Variants in MAST4 observed in about 807,000 individuals in gnomAD.
MAST4 encodes microtubule-associated serine/threonine-protein kinase 4.
In MAST4, 89 loss-of-function variants were observed where a neutral mutation model predicts 162.7. The observed-to-expected ratio is 0.55, with a 90% CI of 0.46 to 0.65. The LOEUF (loss-of-function observed/expected upper bound fraction) is 0.65. MAST4 is among the 30% of genes least tolerant of loss of function. The pLI is 0.00. For synonymous variants in MAST4, 1,479 were observed against 1,361.1 expected, an observed-to-expected ratio of 1.09 and a Z score of -1.91; for missense variants, 3,153 against 3,374.0, an observed-to-expected ratio of 0.93 and a Z score of 1.62.
intron 1 of MAST4, among the ~76,000 whole-genome samples, chr5:66,723,290 T>A (rs1238797102): frequency 6.6e-6 from 1 of 152,172 alleles, no homozygotes; most frequent in Non-Finnish European, 1.5e-5. Context: ...CTATTAGTAA[T>A]TGAAATGATT....
At chr5:66,872,791 G>A (rs1238969849) in intron 3 of MAST4, among the ~76,000 whole-genome samples, 1 of 152,164 alleles carries the variant, frequency 6.6e-6, no homozygotes, top group Non-Finnish European at 1.5e-5. Flanking sequence ...CACTAATGAG[G>A]CACTAAAATA....
chr5:66,907,033 T>C (rs1426917903), intron 4 of MAST4, among the ~76,000 whole-genome samples: 1 of 152,156 alleles, frequency 6.6e-6, no homozygotes, highest in Non-Finnish European at 1.5e-5. Context: ...TGGAGAACTT[T>C]TTCCTTAGTT....
At chr5:66,853,638 A>C (rs1273936439) in intron 3 of MAST4, among the ~76,000 whole-genome samples, 1 of 152,220 alleles carries the variant, frequency 6.6e-6, no homozygotes, top group Non-Finnish European at 1.5e-5. Context: ...GTAGACTTCA[A>C]AATAGTTGAT....
At chr5:66,884,494 T>C (rs71626453) in intron 3 of MAST4, among the ~76,000 whole-genome samples, 1,615 of 152,258 alleles carry the variant, frequency 0.011, 23 homozygotes, top group Middle Eastern at 0.037. Context: ...CTGGAAAACA[T>C]CTTCTCCACT....
At chr5:67,050,160 G>A (rs770622821) in intron 4 of MAST4, among the ~76,000 whole-genome samples, 38 of 152,212 alleles carry the variant, frequency 2.5e-4, no homozygotes, top group Admixed American at 4.6e-4. Context: ...TGCATGGCCT[G>A]TCTCTTCACC....
chr5:66,919,142 T>A (rs1764313849), intron 4 of MAST4, among the ~76,000 whole-genome samples: 1 of 94,022 alleles, frequency 1.1e-5, no homozygotes, highest in African/African-American at 4.4e-5. Context: ...ACACACAAAT[T>A]TGAGATTCCT....
At chr5:66,971,738 G>A (rs531775217) in intron 4 of MAST4, among the ~76,000 whole-genome samples, 1 of 152,150 alleles carries the variant, frequency 6.6e-6, no homozygotes, top group East Asian at 1.9e-4. Flanking sequence ...TTACTTTGCT[G>A]TGTGTGGGTG....
At chr5:66,745,484 T>C (rs1752699123) in intron 1 of MAST4, among the ~76,000 whole-genome samples, 1 of 152,196 alleles carries the variant, frequency 6.6e-6, no homozygotes, top group Non-Finnish European at 1.5e-5. Flanking sequence ...TAATTATCAA[T>C]TAATCGATCA....
rs745513987 is a variant in MAST4, at chr5:66,897,374, A to G, written c.643-2577A>G. The stretch of plus-strand genomic sequence containing the variant: ...ACGAAGTACTGCAGGGACTTTGGCG[A>G]TAAAATGACTTGATGCCGTTCATTG... On this transcript the variant is annotated intron_variant, in intron 3 of 28. Coordinates refer to ENST00000403625, the MANE Select transcript of MAST4 (RefSeq NM_001164664.2). 3.3e-5 allele frequency among the ~76,000 whole-genome samples: 5 copies of G among 152,252 alleles called. No homozygotes were observed. The South Asian group carries it at 6.2e-4, about 19-fold the overall frequency.
chr5:67,028,603 T>C (rs926667269), intron 4 of MAST4, among the ~76,000 whole-genome samples: 39 of 151,656 alleles, frequency 2.6e-4, no homozygotes, highest in African/African-American at 9.5e-4. Flanking sequence ...ACTAACTGAG[T>C]GATTAGAGTG....
At chr5:66,637,085 A>G (rs1400458966) in intron 1 of MAST4, among the ~76,000 whole-genome samples, 2 of 152,238 alleles carry the variant, frequency 1.3e-5, no homozygotes, top group Non-Finnish European at 2.9e-5. Flanking sequence ...CAAACTGTGA[A>G]TAATAAAAGA....
chr5:66,942,130 A>G (rs1415073322), intron 4 of MAST4, among the ~76,000 whole-genome samples: 1 of 152,154 alleles, frequency 6.6e-6, no homozygotes, highest in Non-Finnish European at 1.5e-5. Flanking sequence ...GCTGTTGGAA[A>G]GATGGTGCTG....
chr5:66,827,090 G>A (rs1267162099), intron 3 of MAST4, among the ~76,000 whole-genome samples: 1 of 152,192 alleles, frequency 6.6e-6, no homozygotes, highest in African/African-American at 2.4e-5. Context: ...GATAGAACAA[G>A]GCTGGCCCTT....
intron 4 of MAST4, among the ~76,000 whole-genome samples, chr5:66,985,660 C>T (rs1425224868): frequency 2.0e-5 from 3 of 151,820 alleles, no homozygotes; most frequent in South Asian, 2.1e-4. Flanking sequence ...AGGTAAGATA[C>T]GAGGTTGGGC....
intron 2 of MAST4, among the ~76,000 whole-genome samples, chr5:66,762,232 T>A (rs1255830622): frequency 1.3e-5 from 2 of 151,870 alleles, no homozygotes; most frequent in African/African-American, 2.4e-5. Context: ...ATAATTTTTT[T>A]AAATGTTTAA....
At chr5:67,100,398 T>C in intron 7 of MAST4, 37 bp from the exon 8 acceptor site, 1 of 1,611,170 alleles carries the variant, frequency 6.2e-7, no homozygotes, top group Non-Finnish European at 8.5e-7. Context: ...AGTTTCTTTC[T>C]GAGGTAGTTA....
intron 1 of MAST4, among the ~76,000 whole-genome samples, chr5:66,679,455 C>T (rs980842251): frequency 6.6e-6 from 1 of 152,168 alleles, no homozygotes; most frequent in Non-Finnish European, 1.5e-5. Context: ...AGGCTGGGAG[C>T]AGCTTCTGTG....
chr5:66,939,782 A>T (rs998533564), intron 4 of MAST4, among the ~76,000 whole-genome samples: 1 of 151,974 alleles, frequency 6.6e-6, no homozygotes, highest in South Asian at 2.1e-4. Context: ...CCGTAAAGTG[A>T]CTGCAATAAA....
At chr5:66,859,942 C>T (rs1204793876) in intron 3 of MAST4, among the ~76,000 whole-genome samples, 3 of 152,206 alleles carry the variant, frequency 2.0e-5, no homozygotes, top group African/African-American at 7.2e-5. Context: ...TAAGTAGTTA[C>T]TTGGAAGTCC....
Sources: gnomAD v4.1 joint callset for allele counts (sites outside exome capture counted in the v4.1 genomes callset) on GRCh38, gnomAD v4.1.1 for gene constraint, MANE v1.5 for transcripts, NCBI Gene and HGNC (gene_info 2026-07-23, HGNC 2026-07-21) for gene names.